Variants in ERFL observed in about 807,000 individuals in gnomAD.
ERFL encodes ETS domain-containing transcription factor ERF-like.
ERFL carries 8 observed loss-of-function variants against 27.9 expected under a neutral mutation model. The ratio of observed to expected loss-of-function variants is 0.29; its 90% CI spans 0.17 to 0.52. The LOEUF (loss-of-function observed/expected upper bound fraction) is 0.52, where lower values mean the gene tolerates loss of function less well. Ranked by LOEUF, ERFL falls within the 20% of genes least tolerant of loss-of-function variation. The pLI is 0.97. For missense variants in ERFL, 294 were observed against 444.4 expected, an observed-to-expected ratio of 0.66 and a Z score of 3.04; for synonymous variants, 174 against 202.8, an observed-to-expected ratio of 0.86 and a Z score of 1.21.
intron 1 of ERFL, among the ~76,000 whole-genome samples, chr19:41,914,572 TCCG>T (rs1568831569): frequency 0.012 from 312 of 26,544 alleles, 32 homozygotes; most frequent in Non-Finnish European, 0.017. Flanking sequence ...CATCTCTGTC[TCCG>T]TCTCTCCCTC....
chr19:41,910,169 A>C lies in ERFL; in HGVS notation c.68-72T>G. ...CAGGGCTCTGGGTCCTGCTGGACTC[A>C]GTAACCTGGGAGGCATGTAGTTCTC... On this transcript the variant is annotated intron_variant, in intron 2 of 5. Transcript: ENST00000597630. The surrounding 1 kb of genome is among the most constrained non-coding windows in gnomAD (Gnocchi z 4.4). 2 of 1,446,742 alleles carry C rather than the reference A, an allele frequency of 1.4e-6. No individual in the cohort carries two copies. Among genetic ancestry groups the C allele is most frequent in the Non-Finnish European group, 1.9e-6 (2 of 1,069,136 alleles). 89.6% of individuals were successfully genotyped at this position (1,446,742 alleles called of 1,614,324 possible). A position where few individuals can be genotyped will look rare whatever the true frequency, so the allele number is the denominator to read the frequency against.
Position 41,916,596 on chromosome 19 carries a change from AC to A in ERFL, c.-13-3665del, listed in dbSNP as rs1244541840. 6.6e-6 allele frequency among the ~76,000 whole-genome samples: 1 copy of A among 152,030 alleles called. No homozygotes were observed. Among genetic ancestry groups the A allele is most frequent in the Non-Finnish European group, 1.5e-5 (1 of 68,014 alleles). Reference sequence around the variant, plus strand: ...CTGAGGCTCACAATCAAATACAGAAACCCAGATTCCCAAGCACACAATCGCA... The same window carrying A: ...CTGAGGCTCACAATCAAATACAGAAACCAGATTCCCAAGCACACAATCGCA... On this transcript the variant is annotated intron_variant, in intron 1 of 5. Coordinates refer to ENST00000597630, the MANE Select transcript of ERFL (RefSeq NM_001365103.2). The surrounding 1 kb of genome is among the most constrained non-coding windows in gnomAD (Gnocchi z 5.4).
chr19:41,927,187 AC>A (rs1555853341), intron 1 of ERFL, among the ~76,000 whole-genome samples: 1 of 151,910 alleles, frequency 6.6e-6, no homozygotes, highest in Non-Finnish European at 1.5e-5. Context: ...GTGAGGAGAG[AC>A]CCAGCCAGGG....
Position 41,908,132 on chromosome 19 carries a change from G to A in ERFL, c.*96C>T. The A allele has an allele frequency of 3.0e-6, 3 of 1,002,166 alleles. No individual in the cohort carries two copies. Among genetic ancestry groups the A allele is most frequent in the African/African-American group, 1.7e-5 (1 of 60,126 alleles). The allele number at this position is 1,002,166 out of a possible 1,614,324, so 62.1% of individuals were successfully genotyped here. A position where few individuals can be genotyped will look rare whatever the true frequency, so the allele number is the denominator to read the frequency against. ...AGCAATGTGCCCAGACCTGGGAGGT[G>A]CTGAGGGCTGGTCCTGGGCCTTGGG... On this transcript the variant is annotated 3_prime_UTR_variant, in exon 6 of 6. Coordinates refer to ENST00000597630, the MANE Select transcript of ERFL (RefSeq NM_001365103.2). This position sits in a 1 kb window ranked among gnomAD's most constrained non-coding sequence, Gnocchi z 6.7.
intron 2 of ERFL, among the ~76,000 whole-genome samples, chr19:41,911,107 C>G (rs2074749051): frequency 6.6e-6 from 1 of 152,168 alleles, no homozygotes; most frequent in Non-Finnish European, 1.5e-5. Flanking sequence ...AGCAACTTCC[C>G]AAACCTGCAC....
intron 1 of ERFL, among the ~76,000 whole-genome samples, chr19:41,919,205 C>T: frequency 6.6e-6 from 1 of 152,094 alleles, no homozygotes; most frequent in East Asian, 1.9e-4. Context: ...CCCACATGGA[C>T]ACACACAAAA....
At chr19:41,918,027 C>G (rs902020058) in intron 1 of ERFL, among the ~76,000 whole-genome samples, 5 of 151,940 alleles carry the variant, frequency 3.3e-5, no homozygotes, top group Non-Finnish European at 5.9e-5. Context: ...ACCAGGAGAC[C>G]CTGTGCCTGT....
chr19:41,911,955 C>G (rs1311155590), intron 2 of ERFL, among the ~76,000 whole-genome samples: 6 of 151,962 alleles, frequency 3.9e-5, no homozygotes, highest in Non-Finnish European at 5.9e-5. Flanking sequence ...GCCCCCAACA[C>G]AGAGGCCCAG....
chr19:41,923,070 C>T (rs782445998), intron 1 of ERFL: 23 of 448,858 alleles, frequency 5.1e-5, no homozygotes, highest in African/African-American at 4.4e-4. Context: ...CCCCTCTGAC[C>T]CAGGCCTTTT....
rs1285800906 is a variant in ERFL, at chr19:41,917,866, G to A, written c.-13-4934C>T. Among the ~76,000 whole-genome samples the A allele has an allele frequency of 6.6e-6, 1 of 151,730 alleles. No homozygotes were observed. Among genetic ancestry groups the A allele is most frequent in the African/African-American group, 2.4e-5 (1 of 41,228 alleles). ...CCCACCCATCTGTTGCCACACAAAC[G>A]AGCCCCCAACACCCTGTCCCATCTG... On this transcript the variant is annotated intron_variant, in intron 1 of 5. Coordinates refer to ENST00000597630, the MANE Select transcript of ERFL (RefSeq NM_001365103.2). This position sits in a 1 kb window ranked among gnomAD's most constrained non-coding sequence, Gnocchi z 4.8.
intron 1 of ERFL, among the ~76,000 whole-genome samples, chr19:41,918,698 G>A (rs576186801): frequency 4.3e-5 from 4 of 93,142 alleles, no homozygotes; most frequent in Admixed American, 1.1e-4. Context: ...CCACATATCC[G>A]CCACACACCA....
chr19:41,924,192 C>G (rs782565336), intron 1 of ERFL, among the ~76,000 whole-genome samples: 9 of 151,478 alleles, frequency 5.9e-5, no homozygotes, highest in Non-Finnish European at 1.2e-4. Flanking sequence ...CACCAAAGTC[C>G]CTAGGTGGAT....
intron 1 of ERFL, among the ~76,000 whole-genome samples, chr19:41,920,801 C>G (rs1555852411): frequency 6.6e-6 from 1 of 152,238 alleles, no homozygotes; most frequent in Non-Finnish European, 1.5e-5. Flanking sequence ...GATTCCCAGG[C>G]TGGGGAAGGT....
rs2074800080 is a variant in ERFL, at chr19:41,916,129, T to C, written c.-13-3197A>G. 6.7e-6 allele frequency among the ~76,000 whole-genome samples: 1 copy of C among 149,060 alleles called. No homozygotes were observed. The highest frequency in any genetic ancestry group is 1.5e-5 in the Non-Finnish European group (1 of 67,574). On this transcript the variant is annotated intron_variant, in intron 1 of 5. Transcript: ENST00000597630. The surrounding 1 kb of genome is among the most constrained non-coding windows in gnomAD (Gnocchi z 5.4). The stretch of plus-strand genomic sequence containing the variant: ...GGCAGGCGAGGGCCCTCCTCCCTTC[T>C]CTCCCTGCCAAGCACAACCACACAG...
At chr19:41,913,315 C>T (rs1168357884) in intron 1 of ERFL, among the ~76,000 whole-genome samples, 2 of 151,262 alleles carry the variant, frequency 1.3e-5, no homozygotes, top group African/African-American at 4.9e-5. Flanking sequence ...CTGCCGTCTC[C>T]CGTCCCCGCT....
At position 41,910,173 on chromosome 19, in the gene ERFL, A is replaced by G. The variant is rs925275280; in HGVS notation, c.68-76T>C. 1.4e-6 allele frequency: 2 copies of G among 1,395,404 alleles called. No individual in the cohort carries two copies. The highest frequency in any genetic ancestry group is 1.9e-6 in the Non-Finnish European group (2 of 1,026,928). The allele number at this position is 1,395,404 out of a possible 1,614,324, so 86.4% of individuals were successfully genotyped here. The stretch of plus-strand genomic sequence containing the variant: ...GCTCTGGGTCCTGCTGGACTCAGTA[A>G]CCTGGGAGGCATGTAGTTCTCCTCC... On this transcript the variant is annotated intron_variant, in intron 2 of 5. Transcript: ENST00000597630. The surrounding 1 kb of genome is among the most constrained non-coding windows in gnomAD (Gnocchi z 4.4).
chr19:41,920,844 G>A (rs1159001410), intron 1 of ERFL, among the ~76,000 whole-genome samples: 13 of 152,238 alleles, frequency 8.5e-5, no homozygotes, highest in African/African-American at 3.1e-4. Context: ...AGGTGGGGAG[G>A]CTCCAGGCCA....
At chr19:41,911,062 G>A (rs2074748820) in intron 2 of ERFL, among the ~76,000 whole-genome samples, 1 of 152,134 alleles carries the variant, frequency 6.6e-6, no homozygotes. Flanking sequence ...AGATATCCAT[G>A]TCCCCAGACA....
chr19:41,927,002 G>A (rs1420546114), intron 1 of ERFL, among the ~76,000 whole-genome samples: 1 of 152,102 alleles, frequency 6.6e-6, no homozygotes, highest in African/African-American at 2.4e-5. Context: ...GATAGATGCC[G>A]AGAAAGGAAG....
Sources: allele counts gnomAD v4.1 joint callset (sites outside exome capture counted in the v4.1 genomes callset), GRCh38; gene constraint gnomAD v4.1.1; non-coding constraint Gnocchi (gnomAD v3.1); transcripts MANE v1.5; gene names NCBI Gene and HGNC (gene_info 2026-07-23, HGNC 2026-07-21).